The following NALCN variants were observed in gnomAD, a reference collection of about 807,000 sequenced individuals.
NALCN encodes the protein sodium leak channel, non-selective.
NALCN carries 111 observed loss-of-function variants against 225.3 expected under a neutral mutation model. The ratio of observed to expected loss-of-function variants is 0.49; its 90% CI spans 0.42 to 0.58. The LOEUF (loss-of-function observed/expected upper bound fraction) is 0.58, where lower values mean the gene tolerates loss of function less well. Ranked by LOEUF, NALCN falls within the 20% of genes least tolerant of loss-of-function variation. The pLI is 0.00. For missense variants in NALCN, 1,378 were observed against 2,202.4 expected (o/e 0.63, Z 7.49); for synonymous variants, 764 against 769.0 (o/e 0.99, Z 0.11).
intron 7 of NALCN, among the ~76,000 whole-genome samples, chr13:101,337,320 A>ATTTATTTT (rs1491585773): frequency 8.9e-4 from 120 of 135,460 alleles, no homozygotes; most frequent in Middle Eastern, 3.7e-3. Context: ...TTATTTATTT[A>ATTTATTTT]TTTTTTGAGA....
At chr13:101,234,776 C>G (rs1193593936) in intron 12 of NALCN, among the ~76,000 whole-genome samples, 2 of 152,110 alleles carry the variant, frequency 1.3e-5, no homozygotes, top group African/African-American at 4.8e-5. Flanking sequence ...AAATCAAAGA[C>G]AAAACTGAAA....
intron 13 of NALCN, among the ~76,000 whole-genome samples, chr13:101,218,987 T>C (rs932397719): frequency 2.0e-5 from 3 of 152,204 alleles, no homozygotes; most frequent in African/African-American, 7.2e-5. Context: ...CTTTCCCTTT[T>C]CATAAAAGCA....
chr13:101,222,513 C>A (rs2040979876), intron 13 of NALCN, among the ~76,000 whole-genome samples: 1 of 152,056 alleles, frequency 6.6e-6, no homozygotes, highest in African/African-American at 2.4e-5. Flanking sequence ...AAGGGAGCCC[C>A]AGACTGGTTT....
intron 7 of NALCN, among the ~76,000 whole-genome samples, chr13:101,299,553 C>T (rs1424615317): frequency 6.6e-6 from 1 of 152,092 alleles, no homozygotes; most frequent in Non-Finnish European, 1.5e-5. Context: ...TCTTAATCCA[C>T]GTTGGTAGAC....
intron 7 of NALCN, among the ~76,000 whole-genome samples, chr13:101,307,251 C>A (rs1036541789): frequency 1.3e-5 from 2 of 152,178 alleles, no homozygotes; most frequent in Non-Finnish European, 1.5e-5. Context: ...ACAGCTCCAA[C>A]CCATGGAAGC....
rs948189943 is a variant in NALCN at position 101,223,315 on chromosome 13, C to T, written c.1626+6078G>A. Among the ~76,000 whole-genome samples, 9 of 152,316 alleles carry T rather than the reference C, an allele frequency of 5.9e-5. No homozygotes were observed. In the South Asian group the frequency reaches 1.9e-3, roughly 32 times the overall value. On this transcript the variant is annotated intron_variant, in intron 13 of 43. Coordinates refer to ENST00000251127, the MANE Select transcript of NALCN (RefSeq NM_052867.4). ...ACTCTTCTTTCCCAATCCATCAAGCCAGGGGACACCTTCCAGGACAGGATT... is the reference window on the plus strand; with the variant it reads ...ACTCTTCTTTCCCAATCCATCAAGCTAGGGGACACCTTCCAGGACAGGATT...
chr13:101,271,273 T>A (rs1207013614), intron 10 of NALCN, among the ~76,000 whole-genome samples: 3 of 151,900 alleles, frequency 2.0e-5, no homozygotes, highest in African/African-American at 4.8e-5. Flanking sequence ...CTAAATATAA[T>A]TATTATTTGA....
chr13:101,258,703 G>A, intron 10 of NALCN, 129 bp from the exon 11 acceptor site: 1 of 1,285,952 alleles, frequency 7.8e-7, no homozygotes, highest in Non-Finnish European at 1.1e-6. Flanking sequence ...CCAAGATAAA[G>A]CCATCCATGT....
rs1754935949 is a variant in NALCN, at chr13:101,111,324, A to G, written c.2193-98T>C. ...TTACTTTTATTATTTTAAAGGCAACACCAATGAAAACACAAAATACAGCAA... is the reference window on the plus strand; with the variant it reads ...TTACTTTTATTATTTTAAAGGCAACGCCAATGAAAACACAAAATACAGCAA... On this transcript the variant is annotated intron_variant, in intron 18 of 43. Transcript: ENST00000251127. 4.1e-6 allele frequency: 4 copies of G among 974,848 alleles called. No individual in the cohort carries two copies. In the South Asian group the frequency reaches 9.0e-5, roughly 22 times the overall value. 60.4% of individuals were successfully genotyped at this position (974,848 alleles called of 1,614,324 possible).
chr13:101,064,412 C>G (rs1002778969), intron 40 of NALCN, among the ~76,000 whole-genome samples: 18 of 152,158 alleles, frequency 1.2e-4, no homozygotes, highest in Non-Finnish European at 2.2e-4. Context: ...GTCCTAACCT[C>G]TAGTACCTCA....
intron 37 of NALCN, among the ~76,000 whole-genome samples, chr13:101,070,592 C>T (rs527242953): frequency 6.6e-6 from 1 of 152,326 alleles, no homozygotes; most frequent in African/African-American, 2.4e-5. Context: ...TATACATCTC[C>T]TGATACAGCT....
chr13:101,174,964 C>G (rs2038897929), intron 15 of NALCN, among the ~76,000 whole-genome samples: 2 of 152,098 alleles, frequency 1.3e-5, no homozygotes, highest in Admixed American at 1.3e-4. Flanking sequence ...TTGATCATGT[C>G]TAATTATATG....
chr13:101,415,206 C>CATATATATATATATATATGTATATATAT, intron 1 of NALCN, among the ~76,000 whole-genome samples: 1 of 104,820 alleles, frequency 9.5e-6, no homozygotes, highest in South Asian at 2.8e-4. Context: ...ACAAATCACA[C>CATATATATATATATATATGTATATATAT]ACATATATAT....
chr13:101,124,356 G>C (rs946061531), intron 18 of NALCN, among the ~76,000 whole-genome samples: 7 of 151,852 alleles, frequency 4.6e-5, no homozygotes, highest in African/African-American at 1.7e-4. Context: ...TTCACCTTTT[G>C]GTCAATGTTT....
At chr13:101,241,831 A>G (rs116773096) in intron 11 of NALCN, among the ~76,000 whole-genome samples, 2,990 of 38,196 alleles carry the variant, frequency 0.078, 969 homozygotes, top group South Asian at 0.13. Context: ...TTCCTTCCTG[A>G]TGTTATGTGG....
At chr13:101,261,326 G>A (rs924717668) in intron 10 of NALCN, among the ~76,000 whole-genome samples, 7 of 152,004 alleles carry the variant, frequency 4.6e-5, no homozygotes, top group Admixed American at 1.3e-4. Flanking sequence ...AATTTGTTTA[G>A]GATAGATTTG....
chr13:101,273,884 CA>C (rs34847260), intron 10 of NALCN, among the ~76,000 whole-genome samples: 53,078 of 95,888 alleles, frequency 0.55, 11,153 homozygotes, highest in Admixed American at 0.58. Flanking sequence ...GACTCCATCT[CA>C]AAAAAAAAAA....
At chr13:101,264,592 G>T (rs1477836763) in intron 10 of NALCN, among the ~76,000 whole-genome samples, 1 of 152,086 alleles carries the variant, frequency 6.6e-6, no homozygotes, top group South Asian at 2.1e-4. Flanking sequence ...TCTTTAACAC[G>T]GTTCCCAGGT....
intron 1 of NALCN, among the ~76,000 whole-genome samples, chr13:101,401,731 C>T (rs1236757677): frequency 6.6e-6 from 1 of 152,186 alleles, no homozygotes; most frequent in East Asian, 1.9e-4. Context: ...CATTTACCTT[C>T]ACTTTACCTG....
Sources: allele counts gnomAD v4.1 joint callset (sites outside exome capture counted in the v4.1 genomes callset), GRCh38; gene constraint gnomAD v4.1.1; transcripts MANE v1.5; gene names NCBI Gene and HGNC (gene_info 2026-07-23, HGNC 2026-07-21).